Variants in NLGN1 observed in about 807,000 individuals in gnomAD.
NLGN1 encodes the protein neuroligin 1.
NLGN1 carries 12 observed loss-of-function variants against 65.5 expected under a neutral mutation model. The observed-to-expected ratio is 0.18, with a 90% CI of 0.12 to 0.30. The LOEUF (loss-of-function observed/expected upper bound fraction) is 0.30. Ranked by LOEUF, NLGN1 falls within the 10% of genes least tolerant of loss-of-function variation. The probability of loss-of-function intolerance (pLI) is 1.00; values close to 1 mark genes in which losing one functional copy is unlikely to be tolerated. For synonymous variants in NLGN1, 350 were observed against 359.5 expected, an observed-to-expected ratio of 0.97 and a Z score of 0.30; for missense variants, 750 against 1,007.1, an observed-to-expected ratio of 0.74 and a Z score of 3.46.
At chr3:173,959,768 T>G (rs1206579308) in intron 4 of NLGN1, among the ~76,000 whole-genome samples, 1 of 152,176 alleles carries the variant, frequency 6.6e-6, no homozygotes, top group Non-Finnish European at 1.5e-5. Flanking sequence ...TTTTGCTAGA[T>G]TTATAAAATA....
intron 2 of NLGN1, among the ~76,000 whole-genome samples, chr3:173,562,695 A>T (rs1400103876): frequency 2.0e-5 from 3 of 152,138 alleles, no homozygotes; most frequent in Non-Finnish European, 4.4e-5. Flanking sequence ...TCTTGGTTGG[A>T]TATTCCTCAT....
chr3:173,436,867 T>C (rs190776093), intron 2 of NLGN1, among the ~76,000 whole-genome samples: 1 of 152,344 alleles, frequency 6.6e-6, no homozygotes, highest in Admixed American at 6.5e-5. Flanking sequence ...GGCCTTTTTC[T>C]ATGCCTCCAG....
At chr3:174,268,961 G>A (rs970936379) in intron 4 of NLGN1, among the ~76,000 whole-genome samples, 5 of 145,608 alleles carry the variant, frequency 3.4e-5, no homozygotes, top group African/African-American at 1.3e-4. Context: ...TCAGAGCCAG[G>A]TTTTTTTTTT....
At chr3:173,423,036 C>T (rs1386650883) in intron 1 of NLGN1, among the ~76,000 whole-genome samples, 2 of 152,234 alleles carry the variant, frequency 1.3e-5, no homozygotes, top group East Asian at 3.9e-4. Context: ...AGGAAACTTA[C>T]AATCATGGTA....
intron 4 of NLGN1, among the ~76,000 whole-genome samples, chr3:173,946,972 G>C (rs891803567): frequency 1.3e-5 from 2 of 151,860 alleles, no homozygotes; most frequent in Admixed American, 1.3e-4. Context: ...TGTGGACTGG[G>C]AATTGCCTTC....
intron 4 of NLGN1, among the ~76,000 whole-genome samples, chr3:173,993,053 C>T (rs529181500): frequency 2.2e-4 from 33 of 152,186 alleles, no homozygotes; most frequent in African/African-American, 7.5e-4. Flanking sequence ...ATTTATTATC[C>T]TCCTGTTTCT....
At chr3:174,124,078 AAGAG>A (rs1030393620) in intron 4 of NLGN1, among the ~76,000 whole-genome samples, 2 of 152,106 alleles carry the variant, frequency 1.3e-5, no homozygotes, top group African/African-American at 4.8e-5. Flanking sequence ...AAGGGGAAGA[AAGAG>A]AGATCCCTTT....
chr3:174,209,342 A>G lies in NLGN1; in HGVS notation c.647-65973A>G, dbSNP rs149605502. On this transcript the variant is annotated intron_variant, in intron 4 of 6. Transcript: ENST00000457714. ...TTCTTTCTTATTGTATTTTATCACTATGCATTATATACACTTTAGATCAGT... is the reference window on the plus strand; with the variant it reads ...TTCTTTCTTATTGTATTTTATCACTGTGCATTATATACACTTTAGATCAGT... 2.9e-3 allele frequency among the ~76,000 whole-genome samples: 441 copies of G among 152,246 alleles called. 1 individual carries two copies. The highest frequency in any genetic ancestry group is 0.01 in the African/African-American group (419 of 41,534).
intron 4 of NLGN1, among the ~76,000 whole-genome samples, chr3:174,066,251 C>T (rs1313422624): frequency 6.6e-6 from 1 of 151,752 alleles, no homozygotes; most frequent in African/African-American, 2.4e-5. Context: ...TCTTCTGTTT[C>T]CCTCATTTAG....
At chr3:173,475,321 G>GACTA in intron 2 of NLGN1, among the ~76,000 whole-genome samples, 1 of 151,538 alleles carries the variant, frequency 6.6e-6, no homozygotes, top group East Asian at 1.9e-4. Flanking sequence ...TTTGTTTTCT[G>GACTA]ATTATCAAAA....
At chr3:173,666,936 G>A (rs1761781665) in intron 3 of NLGN1, among the ~76,000 whole-genome samples, 1 of 152,066 alleles carries the variant, frequency 6.6e-6, no homozygotes. Context: ...ACATTTTATT[G>A]TATATTGTTC....
intron 4 of NLGN1, among the ~76,000 whole-genome samples, chr3:174,047,484 C>T (rs983903262): frequency 3.9e-5 from 6 of 151,988 alleles, no homozygotes; most frequent in Admixed American, 2.6e-4. Flanking sequence ...CCACCATATG[C>T]ACATACTATT....
intron 4 of NLGN1, among the ~76,000 whole-genome samples, chr3:174,130,196 A>G (rs1377509128): frequency 6.6e-6 from 1 of 152,150 alleles, no homozygotes; most frequent in Non-Finnish European, 1.5e-5. Context: ...CCAACAAGGA[A>G]ACCCCGTCTC....
rs1295958005 is a variant in NLGN1 at position 173,447,840 on chromosome 3, T to C, written c.-321+12762T>C. 4.6e-5 allele frequency among the ~76,000 whole-genome samples: 7 copies of C among 152,286 alleles called. No individual in the cohort carries two copies. The East Asian group carries it at 1.2e-3, about 25-fold the overall frequency. The stretch of plus-strand genomic sequence containing the variant: ...TGAAGCAGTTGTGAATGGGAGTTCA[T>C]TCATGATTTGGCTCTCTGTTTGTCT... On this transcript the variant is annotated intron_variant, in intron 2 of 6. Coordinates refer to ENST00000457714, the Ensembl canonical transcript of NLGN1.
intron 1 of NLGN1, among the ~76,000 whole-genome samples, chr3:173,412,633 G>A (rs1712825018): frequency 6.6e-6 from 1 of 151,966 alleles, no homozygotes; most frequent in South Asian, 2.1e-4. Context: ...AAGGTTTCCA[G>A]CCCTTCTCTT....
At chr3:174,272,177 C>G (rs929847041) in intron 4 of NLGN1, among the ~76,000 whole-genome samples, 2 of 151,642 alleles carry the variant, frequency 1.3e-5, no homozygotes, top group Non-Finnish European at 3.0e-5. Flanking sequence ...CCAAAGTAAT[C>G]ATGAAGTGAG....
chr3:174,074,717 T>A lies in NLGN1; in HGVS notation c.647-200598T>A, dbSNP rs557671702. On this transcript the variant is annotated intron_variant, in intron 4 of 6. Transcript: ENST00000457714. ...AGTTTCTGAGCTTCCCAGTGCCAAC[T>A]CACTAGTGGAAACGTAGTTGTGGAT... 2.3e-4 allele frequency among the ~76,000 whole-genome samples: 35 copies of A among 152,336 alleles called. No individual in the cohort carries two copies. The South Asian group carries it at 7.0e-3, about 31-fold the overall frequency.
At chr3:173,421,420 A>G (rs996731513) in intron 1 of NLGN1, among the ~76,000 whole-genome samples, 3 of 151,884 alleles carry the variant, frequency 2.0e-5, no homozygotes, top group Non-Finnish European at 4.4e-5. Flanking sequence ...TTGGTATGTT[A>G]TCCCATCTAA....
At chr3:173,468,763 A>T (rs951554374) in intron 2 of NLGN1, among the ~76,000 whole-genome samples, 8 of 152,084 alleles carry the variant, frequency 5.3e-5, no homozygotes, top group African/African-American at 1.9e-4. Flanking sequence ...ATGACTTTTA[A>T]AAAATAGCAC....
Sources: gnomAD v4.1 joint callset for allele counts (sites outside exome capture counted in the v4.1 genomes callset) on GRCh38, gnomAD v4.1.1 for gene constraint, MANE v1.5 for transcripts, NCBI Gene and HGNC (gene_info 2026-07-23, HGNC 2026-07-21) for gene names.